The following NELL2 variants were observed in gnomAD, a reference collection of about 807,000 sequenced individuals.
NELL2 encodes neural EGFL like 2.
A neutral mutation model predicts 109.6 loss-of-function variants in NELL2; 41 were observed. The observed-to-expected ratio is 0.37, with a 90% CI of 0.29 to 0.49. NELL2 has a LOEUF of 0.49. NELL2 is among the 20% of genes least tolerant of loss of function. The pLI, the probability that NELL2 is intolerant of heterozygous loss-of-function variation, is 0.98. For missense variants in NELL2, 900 were observed against 1,008.3 expected, an observed-to-expected ratio of 0.89 and a Z score of 1.45; for synonymous variants, 355 against 344.7, an observed-to-expected ratio of 1.03 and a Z score of -0.33.
chr12:44,750,173 T>C (rs964730811), intron 9 of NELL2, among the ~76,000 whole-genome samples: 1 of 152,170 alleles, frequency 6.6e-6, no homozygotes, highest in South Asian at 2.1e-4. Flanking sequence ...GTTTTCCTTT[T>C]ACATTCTTCA....
intron 13 of NELL2, among the ~76,000 whole-genome samples, chr12:44,654,786 C>G (rs1947435882): frequency 6.6e-6 from 1 of 152,094 alleles, no homozygotes; most frequent in Non-Finnish European, 1.5e-5. Context: ...GAAAGAAGAG[C>G]AGCGAGGCGA....
intron 19 of NELL2, among the ~76,000 whole-genome samples, chr12:44,518,728 TC>T (rs1437968620): frequency 6.6e-5 from 10 of 152,214 alleles, no homozygotes; most frequent in Admixed American, 2.6e-4. Context: ...GTAAGAGGAC[TC>T]AACTCTATTT....
chr12:44,517,363 C>T (rs1460023357), intron 19 of NELL2, among the ~76,000 whole-genome samples: 1 of 146,082 alleles, frequency 6.8e-6, no homozygotes, highest in Non-Finnish European at 1.5e-5. Flanking sequence ...ACCTACCCAC[C>T]AACTACTTTC....
At chr12:44,723,629 T>C (rs1410932758) in intron 9 of NELL2, among the ~76,000 whole-genome samples, 1 of 152,116 alleles carries the variant, frequency 6.6e-6, no homozygotes, top group African/African-American at 2.4e-5. Flanking sequence ...CCAGTATAAG[T>C]TTCATTTTGT....
At chr12:44,866,088 A>T (rs1429500048) in intron 2 of NELL2, among the ~76,000 whole-genome samples, 1 of 152,140 alleles carries the variant, frequency 6.6e-6, no homozygotes, top group Admixed American at 6.5e-5. Context: ...CCATGTGAGG[A>T]TACAGCATTC....
chr12:44,566,496 G>T (rs1482897153), intron 15 of NELL2, among the ~76,000 whole-genome samples: 1 of 151,170 alleles, frequency 6.6e-6, no homozygotes, highest in Non-Finnish European at 1.5e-5. Flanking sequence ...GTTCATATGT[G>T]CTTTTTTGCA....
chr12:44,777,186 T>C (rs1479442922), intron 6 of NELL2, 56 bp downstream of exon 6: 10 of 1,608,882 alleles, frequency 6.2e-6, no homozygotes, highest in Non-Finnish European at 7.7e-6. Flanking sequence ...TCTGGTTAAG[T>C]CTATGCTGAC....
chr12:44,816,076 C>A lies in NELL2; in HGVS notation c.245G>T (p.Arg82Ile). The part of the protein sequence containing the change: ...ATAEQFFQKL[R>I]NKHEFTILVT... ...CAAAATAGTAAATTCATGTTTATTT[C>A]TCAGCTTCTGAAAAAACTGTTCAGC... Residue 82 changes from arginine to isoleucine, a missense_variant, in exon 3 of 20, where the codon AGA (arginine) becomes ATA (isoleucine). Physicochemically the swap from Arg to Ile is moderately conservative, Grantham distance 97. This residue lies in a region of NELL2 where 200 missense variants were observed against 191.8 expected (regional missense o/e 1.04). Coordinates refer to ENST00000429094, the MANE Select transcript of NELL2 (RefSeq NM_001145108.2). 1.2e-6 allele frequency: 2 copies of A among 1,613,462 alleles called. No individual in the cohort carries two copies. The highest frequency in any genetic ancestry group is 1.7e-6 in the Non-Finnish European group (2 of 1,179,800).
chr12:44,629,118 G>T (rs996213759), intron 13 of NELL2, among the ~76,000 whole-genome samples: 2 of 152,062 alleles, frequency 1.3e-5, no homozygotes, highest in Non-Finnish European at 1.5e-5. Flanking sequence ...GTATTAATTT[G>T]AACTATGGGT....
At chr12:44,560,509 TC>T (rs1442949405) in intron 15 of NELL2, among the ~76,000 whole-genome samples, 1 of 151,952 alleles carries the variant, frequency 6.6e-6, no homozygotes, top group African/African-American at 2.4e-5. Flanking sequence ...TCACCACTGA[TC>T]CCACAGAAAT....
At position 44,809,782 on chromosome 12, in the gene NELL2, T is replaced by C. The variant is rs566447705; in HGVS notation, c.335+6204A>G. The stretch of plus-strand genomic sequence containing the variant: ...TCTTCTTAATTCTGCAACAGTGTGA[T>C]CATCTGCCCTTCCTACTTTCTTCTT... On this transcript the variant is annotated intron_variant, in intron 3 of 19. Coordinates refer to ENST00000429094, the MANE Select transcript of NELL2 (RefSeq NM_001145108.2). 2.0e-5 allele frequency among the ~76,000 whole-genome samples: 3 copies of C among 152,186 alleles called. No homozygotes were observed. The East Asian group carries it at 5.8e-4, about 29-fold the overall frequency.
intron 9 of NELL2, among the ~76,000 whole-genome samples, chr12:44,774,213 G>A (rs1941661363): frequency 6.6e-6 from 1 of 152,328 alleles, no homozygotes; most frequent in South Asian, 2.1e-4. Context: ...GAAGTGAACT[G>A]CTATATAATG....
At chr12:44,870,695 A>G (rs1302558501) in intron 2 of NELL2, among the ~76,000 whole-genome samples, 2 of 152,106 alleles carry the variant, frequency 1.3e-5, no homozygotes, top group African/African-American at 2.4e-5. Context: ...TGGCCAGACT[A>G]GTTTTTCTCA....
intron 9 of NELL2, among the ~76,000 whole-genome samples, chr12:44,718,347 T>C (rs1938597061): frequency 6.6e-6 from 1 of 152,218 alleles, no homozygotes; most frequent in East Asian, 1.9e-4. Flanking sequence ...GTATCTGCCT[T>C]CTAACCTCTC....
At chr12:44,545,985 T>C (rs960630487) in intron 15 of NELL2, among the ~76,000 whole-genome samples, 3 of 152,132 alleles carry the variant, frequency 2.0e-5, no homozygotes, top group African/African-American at 7.2e-5. Context: ...AGAGTTATGG[T>C]GTCTTTGTAT....
At chr12:44,883,649 A>G (rs1264588697) in intron 1 of NELL2, among the ~76,000 whole-genome samples, 1 of 152,064 alleles carries the variant, frequency 6.6e-6, no homozygotes, top group African/African-American at 2.4e-5. Context: ...ACATATGTAG[A>G]TTTAATACAT....
chr12:44,745,470 G>A (rs1940285043), intron 9 of NELL2, among the ~76,000 whole-genome samples: 1 of 152,056 alleles, frequency 6.6e-6, no homozygotes, highest in South Asian at 2.1e-4. Context: ...GCAGGAGAAG[G>A]AAATAAAGGG....
At chr12:44,773,412 C>T (rs1268614652) in intron 9 of NELL2, among the ~76,000 whole-genome samples, 3 of 152,084 alleles carry the variant, frequency 2.0e-5, no homozygotes, top group Admixed American at 6.5e-5. Context: ...GAAGGCGGAG[C>T]TTGCAGTGAG....
chr12:44,629,180 T>C (rs187177256), intron 13 of NELL2, among the ~76,000 whole-genome samples: 176 of 152,294 alleles, frequency 1.2e-3, no homozygotes, highest in African/African-American at 3.7e-3. Flanking sequence ...CACTGAAGCA[T>C]GAAAGGGTAT....
Sources: gnomAD v4.1 joint callset for allele counts (sites outside exome capture counted in the v4.1 genomes callset) on GRCh38, gnomAD v4.1.1 for gene constraint, gnomAD v4.1.1 regional missense constraint, MANE v1.5 for transcripts, NCBI Gene and HGNC (gene_info 2026-07-23, HGNC 2026-07-21) for gene names.